Variants in OGDH observed in about 807,000 individuals in gnomAD.
OGDH encodes oxoglutarate dehydrogenase, also known as 2-oxoglutarate dehydrogenase complex component E1.
In OGDH, 38 loss-of-function variants were observed where a neutral mutation model predicts 116.6. The ratio of observed to expected loss-of-function variants is 0.33; its 90% confidence interval spans 0.25 to 0.43. The LOEUF is 0.43. Ranked by LOEUF, OGDH falls within the 20% of genes least tolerant of loss-of-function variation. OGDH has a pLI of 1.00. For missense variants in OGDH, 825 were observed against 1,357.2 expected, an observed-to-expected ratio of 0.61 and a Z score of 6.16; for synonymous variants, 488 against 533.3, an observed-to-expected ratio of 0.92 and a Z score of 1.17.
chr7:44,625,342 C>T (rs1785164065), intron 2 of OGDH, among the ~76,000 whole-genome samples: 1 of 152,280 alleles, frequency 6.6e-6, no homozygotes, highest in Non-Finnish European at 1.5e-5. Context: ...CCAGGCTGGT[C>T]TTGAACCCCT....
chr7:44,617,087 T>A (rs1044529979), intron 1 of OGDH, among the ~76,000 whole-genome samples: 2 of 150,778 alleles, frequency 1.3e-5, no homozygotes, highest in African/African-American at 4.9e-5. Context: ...CCCGCCACAA[T>A]GCACAGCTAA....
intron 2 of OGDH, among the ~76,000 whole-genome samples, chr7:44,635,487 A>C (rs1258980300): frequency 6.6e-6 from 1 of 152,012 alleles, no homozygotes; most frequent in African/African-American, 2.4e-5. Context: ...GTGGTGACCA[A>C]GGGTAGCTAC....
intron 8 of OGDH, among the ~76,000 whole-genome samples, chr7:44,675,653 G>A (rs906511207): frequency 2.0e-5 from 3 of 152,062 alleles, no homozygotes; most frequent in African/African-American, 4.8e-5. Flanking sequence ...TGAGGCAGGC[G>A]GATCACGTGA....
Position 44,647,754 on chromosome 7 carries a change from A to G in OGDH, c.512A>G (p.Lys171Arg), listed in dbSNP as rs1411330685. ...VPADIISSTD[K>R]LGFYGLDESD... ...GCTGACATTATCTCATCCACAGACAAACTTGGTGAGGGTCTGAGAGCAGTC... is the reference window on the plus strand; with the variant it reads ...GCTGACATTATCTCATCCACAGACAGACTTGGTGAGGGTCTGAGAGCAGTC... The change falls in exon 4 of 23, where the codon AAA (lysine) becomes AGA (arginine). Residue 171 changes from lysine to arginine, a missense_variant. Transcript: ENST00000222673. The G allele has an allele frequency of 1.2e-6, 2 of 1,613,522 alleles. No individual in the cohort carries two copies. Among genetic ancestry groups the G allele is most frequent in the Non-Finnish European group, 1.7e-6 (2 of 1,179,718 alleles).
intron 5 of OGDH, among the ~76,000 whole-genome samples, chr7:44,673,451 G>T (rs1787557714): frequency 6.6e-6 from 1 of 152,202 alleles, no homozygotes; most frequent in African/African-American, 2.4e-5. Context: ...GTCTTCCCTG[G>T]GGAAGGACCC....
At chr7:44,626,678 C>G (rs1268099952) in intron 2 of OGDH, among the ~76,000 whole-genome samples, 1 of 152,202 alleles carries the variant, frequency 6.6e-6, no homozygotes, top group South Asian at 2.1e-4. Flanking sequence ...GGGCCTGTTG[C>G]CATCATAGCT....
intron 20 of OGDH, among the ~76,000 whole-genome samples, chr7:44,706,609 A>C (rs536423800): frequency 7.0e-6 from 1 of 142,832 alleles, no homozygotes; most frequent in Non-Finnish European, 1.5e-5. Context: ...GGCGTGAGCC[A>C]TGCGCCCGGC....
intron 1 of OGDH, among the ~76,000 whole-genome samples, chr7:44,621,812 A>G (rs369739866): frequency 1.3e-5 from 2 of 151,502 alleles, no homozygotes; most frequent in South Asian, 2.1e-4. Context: ...GGGAGGTTGC[A>G]CTGAGCCGAG....
intron 13 of OGDH, 62 bp from the exon 14 acceptor site, chr7:44,696,367 C>T (rs1788580838): frequency 2.5e-6 from 4 of 1,573,992 alleles, no homozygotes; most frequent in Non-Finnish European, 2.6e-6. Flanking sequence ...ACGTGTCTGC[C>T]ATTTTGTGGT....
intron 14 of OGDH, 33 bp from the exon 15 acceptor site, chr7:44,696,881 C>A (rs966707521): frequency 6.3e-7 from 1 of 1,575,554 alleles, no homozygotes; most frequent in South Asian, 1.1e-5. Flanking sequence ...CAGGCAGGGC[C>A]TGCAGCAGCT....
intron 1 of OGDH, among the ~76,000 whole-genome samples, chr7:44,616,824 T>C (rs1291401199): frequency 1.2e-4 from 16 of 138,708 alleles, no homozygotes; most frequent in African/African-American, 2.1e-4. Context: ...TACGTATATA[T>C]GTGTATATAT....
chr7:44,703,492 G>A (rs1010670098), intron 20 of OGDH, among the ~76,000 whole-genome samples: 2 of 152,122 alleles, frequency 1.3e-5, no homozygotes, highest in African/African-American at 4.8e-5. Context: ...GGCTGAGGCA[G>A]GTCGATCACT....
At chr7:44,632,378 T>C (rs1785478330) in intron 2 of OGDH, among the ~76,000 whole-genome samples, 1 of 152,124 alleles carries the variant, frequency 6.6e-6, no homozygotes, top group Non-Finnish European at 1.5e-5. Flanking sequence ...CTCAAACTTC[T>C]GGGCTCAAGT....
intron 5 of OGDH, among the ~76,000 whole-genome samples, chr7:44,667,111 A>AT (rs999506759): frequency 2.5e-4 from 38 of 151,214 alleles, no homozygotes; most frequent in African/African-American, 8.3e-4. Context: ...TGCCCAGCTA[A>AT]TTTTTTTTTA....
At chr7:44,687,744 AT>A (rs1208152812) in intron 10 of OGDH, among the ~76,000 whole-genome samples, 2 of 152,048 alleles carry the variant, frequency 1.3e-5, no homozygotes, top group Non-Finnish European at 2.9e-5. Flanking sequence ...TTTAAATTGT[AT>A]TTTTTAATAG....
At chr7:44,614,095 G>A (rs772381171) in intron 1 of OGDH, among the ~76,000 whole-genome samples, 3 of 151,566 alleles carry the variant, frequency 2.0e-5, no homozygotes, top group South Asian at 2.1e-4. Flanking sequence ...CATGAGCCAC[G>A]GCACCTGGCC....
intron 7 of OGDH, 173 bp downstream of exon 7, chr7:44,674,730 T>C (rs2116157570): frequency 1.4e-6 from 1 of 701,276 alleles, no homozygotes; most frequent in Non-Finnish European, 2.4e-6. Flanking sequence ...TCACATTGCC[T>C]GCCTCTGGAG....
intron 5 of OGDH, 45 bp from the exon 6 acceptor site, chr7:44,673,742 G>T (rs1055634289): frequency 1.7e-5 from 28 of 1,604,926 alleles, no homozygotes; most frequent in Non-Finnish European, 2.3e-5. Flanking sequence ...ATTCAGCCAG[G>T]CCTGGTTAGA....
chr7:44,667,166 G>A (rs1787221773), intron 5 of OGDH, among the ~76,000 whole-genome samples: 2 of 151,948 alleles, frequency 1.3e-5, no homozygotes, highest in Admixed American at 6.6e-5. Flanking sequence ...CCTCAGGCTG[G>A]TCTCAAATGC....
Sources: gnomAD v4.1 joint callset for allele counts (sites outside exome capture counted in the v4.1 genomes callset) on GRCh38, gnomAD v4.1.1 for gene constraint, MANE v1.5 for transcripts, NCBI Gene and HGNC (gene_info 2026-07-23, HGNC 2026-07-21) for gene names.